TMEM181: variants seen among roughly 807,000 people sequenced by gnomAD.
TMEM181 encodes G protein-coupled receptor 178.
In TMEM181, 39 loss-of-function variants were observed where a neutral mutation model predicts 71.9. That is an observed-to-expected ratio of 0.54 (90% confidence interval 0.42 to 0.71). TMEM181 has a LOEUF of 0.71. TMEM181 is among the 30% of genes least tolerant of loss of function. The pLI is 0.00. For missense variants in TMEM181, 595 were observed against 583.0 expected (o/e 1.02, Z -0.21); for synonymous variants, 245 against 228.8 (o/e 1.07, Z -0.64).
intron 2 of TMEM181, among the ~76,000 whole-genome samples, chr6:158,577,394 T>G (rs1423314189): frequency 2.0e-5 from 3 of 152,158 alleles, no homozygotes; most frequent in Admixed American, 2.0e-4. Flanking sequence ...ACAGTGGAAA[T>G]TTTTGAGCCT....
In TMEM181 at chr6:158,627,908, G is replaced by A. The variant is rs115873853; in HGVS notation, c.1110-500G>A. On this transcript the variant is annotated intron_variant, in intron 13 of 16. Transcript: ENST00000684151. ...GAGGCCTCTGTTGTCATCTGTCACC[G>A]GCTGGGAGTCTGAACCAAAGATGTT... is the stretch of plus-strand genomic sequence containing the variant. Among the ~76,000 whole-genome samples the A allele has an allele frequency of 4.4e-3, 664 of 152,298 alleles. 2 individuals are homozygous for A. The highest frequency in any genetic ancestry group is 0.015 in the African/African-American group (620 of 41,548).
At chr6:158,595,865 G>T (rs1784361554) in intron 6 of TMEM181, among the ~76,000 whole-genome samples, 1 of 152,152 alleles carries the variant, frequency 6.6e-6, no homozygotes, top group Non-Finnish European at 1.5e-5. Flanking sequence ...ATGCAGGTGT[G>T]TTCAATTTGT....
At position 158,601,843 on chromosome 6, in the gene TMEM181, C is replaced by G. The variant is rs74439713; in HGVS notation, c.493-3424C>G. 6.6e-3 allele frequency among the ~76,000 whole-genome samples: 996 copies of G among 151,944 alleles called. 6 individuals are homozygous for G. Among genetic ancestry groups the G allele is most frequent in the African/African-American group, 0.022 (919 of 41,452 alleles). ...GCATCCCCATTTTATGGAGGAAAAT[C>G]TGAAGTTTCTTGAGATTAAGTCATT... is the stretch of plus-strand genomic sequence containing the variant. On this transcript the variant is annotated intron_variant, in intron 6 of 16. Coordinates refer to ENST00000684151, the MANE Select transcript of TMEM181 (RefSeq NM_001376852.1).
chr6:158,581,026 G>T, intron 3 of TMEM181, 31 bp downstream of exon 3: 10 of 1,595,456 alleles, frequency 6.3e-6, no homozygotes, highest in Non-Finnish European at 8.6e-6. Flanking sequence ...CAGCTGGGTG[G>T]TGGGGTGCAT....
intron 1 of TMEM181, among the ~76,000 whole-genome samples, chr6:158,550,396 G>T (rs1476006500): frequency 6.6e-6 from 1 of 151,710 alleles, no homozygotes; most frequent in Non-Finnish European, 1.5e-5. Context: ...GGTGGCTCAT[G>T]CCTGTAATCC....
At chr6:158,549,086 A>G (rs1781635611) in intron 1 of TMEM181, among the ~76,000 whole-genome samples, 1 of 151,398 alleles carries the variant, frequency 6.6e-6, no homozygotes, top group African/African-American at 2.4e-5. Flanking sequence ...AAAGGGGACA[A>G]AATGAGGGAA....
At chr6:158,618,951 T>C (rs1785786301) in intron 10 of TMEM181, among the ~76,000 whole-genome samples, 1 of 152,226 alleles carries the variant, frequency 6.6e-6, no homozygotes, top group Admixed American at 6.5e-5. Flanking sequence ...CCTTGGTGAA[T>C]CTGACAATTA....
chr6:158,588,854 A>G (rs1783934850), intron 5 of TMEM181, among the ~76,000 whole-genome samples: 1 of 152,192 alleles, frequency 6.6e-6, no homozygotes, highest in Non-Finnish European at 1.5e-5. Flanking sequence ...CCCTATTAGA[A>G]AGCCAGAGAA....
intron 7 of TMEM181, 54 bp downstream of exon 7, chr6:158,605,401 G>T (rs1750686759): frequency 6.5e-7 from 1 of 1,533,880 alleles, no homozygotes; most frequent in Admixed American, 1.7e-5. Flanking sequence ...GAAGAAGCTG[G>T]TTTATGCAGT....
chr6:158,586,427 C>T (rs149244806), intron 5 of TMEM181, among the ~76,000 whole-genome samples: 2 of 152,282 alleles, frequency 1.3e-5, no homozygotes, highest in South Asian at 2.1e-4. Context: ...CTCATTCAGT[C>T]CTCATGGCAA....
At chr6:158,543,182 ATGTT>A (rs1326585332) in intron 1 of TMEM181, among the ~76,000 whole-genome samples, 1 of 152,040 alleles carries the variant, frequency 6.6e-6, no homozygotes, top group African/African-American at 2.4e-5. Context: ...GCCTCAGAGT[ATGTT>A]TATTTAAGCC....
intron 10 of TMEM181, among the ~76,000 whole-genome samples, chr6:158,623,046 GCCCA>G: frequency 6.6e-6 from 1 of 152,280 alleles, no homozygotes; most frequent in South Asian, 2.1e-4. Flanking sequence ...TGACTTCGGA[GCCCA>G]GCATGCCTAG....
rs374825278 is a variant in TMEM181 at position 158,623,599 on chromosome 6, A to C, written c.946A>C (p.Asn316His). ...GTACCAGTATCGAGTTGATACCGGA[A>C]ATTTTCAGGTAAGGATTGTTAATGA... ...PMYQYRVDTG[N>H]FQGMKVFFMV... Residue 316 changes from asparagine (N) to histidine (H), a missense_variant, in exon 11 of 17, where the codon AAT becomes CAT. By Grantham distance (68) the Asn-to-His change is moderately conservative. Coordinates refer to ENST00000684151, the MANE Select transcript of TMEM181 (RefSeq NM_001376852.1). 6.3e-7 allele frequency: 1 copy of C among 1,582,604 alleles called. No individual in the cohort carries two copies. Among genetic ancestry groups the C allele is most frequent in the Non-Finnish European group, 8.6e-7 (1 of 1,161,574 alleles).
In TMEM181 at chr6:158,629,800, A is replaced by G. The variant is rs145210472; in HGVS notation, c.1263A>G (p.Pro421=). The change falls in exon 15 of 17, where the codon CCA becomes CCG. Residue 421 remains proline (P), a synonymous_variant. Coordinates refer to ENST00000684151, the MANE Select transcript of TMEM181 (RefSeq NM_001376852.1). ...YLYTLAFVYS[P]SKNALYESQL... is the part of the protein sequence containing the mutation. ...ACACCTTGGCCTTTGTATATTCTCC[A>G]TCGAAGAATGCCCTCTATGGTAAGC... 1.2e-3 allele frequency: 1,958 copies of G among 1,613,890 alleles called. 28 individuals are homozygous for G. The highest frequency in any genetic ancestry group is 1.3e-4 in the Non-Finnish European group (152 of 1,179,864).
chr6:158,631,404 G>C lies in TMEM181; in HGVS notation c.1349+15G>C. ...GTGATTTATGGGTAAGTCCCTGTCC[G>C]TTAGAAGGCCGGCACACCTTGGGCA... On this transcript the variant is annotated intron_variant, in intron 16 of 16. Transcript: ENST00000684151. 6.2e-7 allele frequency: 1 copy of C among 1,613,982 alleles called. No homozygotes were observed. The highest frequency in any genetic ancestry group is 8.5e-7 in the Non-Finnish European group (1 of 1,179,894).
intron 1 of TMEM181, among the ~76,000 whole-genome samples, chr6:158,548,721 G>A (rs537373855): frequency 3.2e-4 from 49 of 152,380 alleles, no homozygotes; most frequent in African/African-American, 1.1e-3. Context: ...GGGGCTTGGT[G>A]TCTTTCTCTA....
At chr6:158,574,334 T>C (rs978021287) in intron 2 of TMEM181, among the ~76,000 whole-genome samples, 4 of 152,192 alleles carry the variant, frequency 2.6e-5, no homozygotes, top group African/African-American at 9.7e-5. Context: ...GTTTATCTGA[T>C]GGTGATGGTG....
At chr6:158,629,867 G>A (rs1433668079) in intron 15 of TMEM181, 48 bp downstream of exon 15, 1 of 1,490,794 alleles carries the variant, frequency 6.7e-7, no homozygotes, top group Non-Finnish European at 9.4e-7. Flanking sequence ...CGGGCACAGA[G>A]GCCTGTGTTC....
chr6:158,622,219 T>C (rs1010081149), intron 10 of TMEM181, among the ~76,000 whole-genome samples: 1 of 152,214 alleles, frequency 6.6e-6, no homozygotes, highest in African/African-American at 2.4e-5. Flanking sequence ...TAATAACCAA[T>C]AAAATAGAAA....
Sources: gnomAD v4.1 joint callset for allele counts (sites outside exome capture counted in the v4.1 genomes callset) on GRCh38, gnomAD v4.1.1 for gene constraint, MANE v1.5 for transcripts, NCBI Gene and HGNC (gene_info 2026-07-23, HGNC 2026-07-21) for gene names.